TENM4: variants seen among roughly 807,000 people sequenced by gnomAD.
TENM4 encodes the protein teneurin transmembrane protein 4.
A neutral mutation model predicts 243.3 loss-of-function variants in TENM4; 82 were observed. The observed-to-expected ratio is 0.34, with a 90% CI of 0.28 to 0.40. TENM4 has a LOEUF of 0.40. Among genes scored for constraint, TENM4 ranks in the 10% least tolerant of loss-of-function variants. The pLI, the probability that TENM4 is intolerant of heterozygous loss-of-function variation, is 1.00. For missense variants in TENM4, 3,138 were observed against 3,673.3 expected (o/e 0.85, Z 3.77); for synonymous variants, 1,412 against 1,456.3 (o/e 0.97, Z 0.69).
At chr11:79,202,968 A>G (rs1863775132) in intron 3 of TENM4, among the ~76,000 whole-genome samples, 1 of 152,232 alleles carries the variant, frequency 6.6e-6, no homozygotes, top group East Asian at 1.9e-4. Context: ...ATTGTCCTAC[A>G]AAGTGGGTAT....
intron 9 of TENM4, among the ~76,000 whole-genome samples, chr11:78,867,175 T>C (rs1480384730): frequency 1.3e-5 from 2 of 152,212 alleles, no homozygotes; most frequent in Non-Finnish European, 2.9e-5. Context: ...CACCCTGTTG[T>C]GCTATCAAAT....
chr11:78,719,337 C>T lies in TENM4; in HGVS notation c.3821+1033G>A, dbSNP rs191474850. ...TATAGTCCATGTAAAGGACATAACCCTCTATCTGCTACATAGTAAATGTTC... is the reference window on the plus strand; with the variant it reads ...TATAGTCCATGTAAAGGACATAACCTTCTATCTGCTACATAGTAAATGTTC... On this transcript the variant is annotated intron_variant, in intron 25 of 33. Coordinates refer to ENST00000278550, the MANE Select transcript of TENM4 (RefSeq NM_001098816.3). Among the ~76,000 whole-genome samples the T allele has an allele frequency of 3.9e-5, 6 of 152,184 alleles. No homozygotes were observed. In the East Asian group the frequency reaches 7.7e-4, roughly 20 times the overall value.
At chr11:79,081,534 G>GGTGTGTGTGTGT (rs56237099) in intron 4 of TENM4, among the ~76,000 whole-genome samples, 19,444 of 148,098 alleles carry the variant, frequency 0.13, 1,539 homozygotes, top group East Asian at 0.39. Context: ...TGTCAGAGGT[G>GGTGTGTGTGTGT]GTGTGTGTGT....
chr11:78,671,064 A>G (rs1858312192), intron 31 of TENM4, among the ~76,000 whole-genome samples: 1 of 152,162 alleles, frequency 6.6e-6, no homozygotes. Context: ...TACCTGCTAA[A>G]CAGTTTCCGC....
rs1491015742 is a variant in TENM4 at position 78,805,274 on chromosome 11, T to TCCCCACCC, written c.2179+17_2179+18insGGGTGGGG. On this transcript the variant is annotated intron_variant, in intron 15 of 33. Coordinates refer to ENST00000278550, the MANE Select transcript of TENM4 (RefSeq NM_001098816.3). ...AATCCCCTCCCTCTACCCATGCTTC[T>TCCCCACCC]TCTCCCCCTGCATTTACCGATAGAA... 1.3e-6 allele frequency: 2 copies of TCCCCACCC among 1,506,676 alleles called. No homozygotes were observed. The highest frequency in any genetic ancestry group is 1.9e-5 in the Admixed American group (1 of 52,110). 93.3% of individuals were successfully genotyped at this position (1,506,676 alleles called of 1,614,324 possible). A position where few individuals can be genotyped will look rare whatever the true frequency, so the allele number is the denominator to read the frequency against.
chr11:79,252,811 G>A (rs960693353), intron 2 of TENM4, among the ~76,000 whole-genome samples: 2 of 152,010 alleles, frequency 1.3e-5, no homozygotes, highest in Non-Finnish European at 2.9e-5. Flanking sequence ...GAGCAGACCC[G>A]GATCCACCTG....
intron 3 of TENM4, among the ~76,000 whole-genome samples, chr11:79,187,333 C>A (rs943500640): frequency 5.3e-5 from 8 of 152,196 alleles, no homozygotes; most frequent in Admixed American, 2.0e-4. Context: ...GAAGACGAGG[C>A]AACCACTGGG....
At chr11:78,726,405 CT>C (rs1424114283) in intron 22 of TENM4, among the ~76,000 whole-genome samples, 183 bp from the exon 23 acceptor site, 1 of 151,932 alleles carries the variant, frequency 6.6e-6, no homozygotes, top group Non-Finnish European at 1.5e-5. Context: ...ATCATTTTTT[CT>C]TTTTTTTGGA....
At chr11:79,244,574 C>T (rs947237638) in intron 2 of TENM4, among the ~76,000 whole-genome samples, 10 of 152,148 alleles carry the variant, frequency 6.6e-5, no homozygotes, top group African/African-American at 2.2e-4. Context: ...ATAAAAAAGC[C>T]GCTTGCAGTA....
intron 4 of TENM4, among the ~76,000 whole-genome samples, chr11:79,084,354 C>G (rs554631830): frequency 3.2e-4 from 48 of 152,272 alleles, no homozygotes; most frequent in African/African-American, 1.2e-3. Context: ...CAACCTAGCG[C>G]TTGTATTCTT....
At chr11:79,339,335 G>A (rs1017209770) in intron 1 of TENM4, among the ~76,000 whole-genome samples, 6 of 152,210 alleles carry the variant, frequency 3.9e-5, no homozygotes, top group Non-Finnish European at 8.8e-5. Context: ...AAGTGTTGTC[G>A]TGGAGATCAA....
intron 6 of TENM4, among the ~76,000 whole-genome samples, chr11:78,988,990 T>C (rs1233156332): frequency 6.6e-6 from 1 of 152,228 alleles, no homozygotes; most frequent in Non-Finnish European, 1.5e-5. Flanking sequence ...ATTCCCTTTA[T>C]ATTTTTATTT....
chr11:79,064,674 T>C (rs1255286396), intron 6 of TENM4, 64 bp downstream of exon 6: 4 of 1,537,806 alleles, frequency 2.6e-6, no homozygotes, highest in African/African-American at 1.4e-5. Context: ...AGGAAATCAA[T>C]ATTATAAATA....
chr11:79,269,874 T>A (rs1447539442), intron 2 of TENM4, among the ~76,000 whole-genome samples: 1 of 152,158 alleles, frequency 6.6e-6, no homozygotes, highest in Non-Finnish European at 1.5e-5. Flanking sequence ...GATTTTAGAG[T>A]GTCTTTTATA....
At chr11:78,862,419 C>T (rs547084807) in intron 10 of TENM4, among the ~76,000 whole-genome samples, 3 of 152,236 alleles carry the variant, frequency 2.0e-5, no homozygotes, top group East Asian at 3.9e-4. Flanking sequence ...ACATGCTGTA[C>T]GAACACTAAT....
chr11:79,083,320 G>T (rs1202917077), intron 4 of TENM4, among the ~76,000 whole-genome samples: 1 of 152,186 alleles, frequency 6.6e-6, no homozygotes, highest in African/African-American at 2.4e-5. Context: ...TGGCAGACTG[G>T]GTGGCTTCAG....
At chr11:79,319,514 G>C (rs1448682322) in intron 1 of TENM4, among the ~76,000 whole-genome samples, 1 of 152,008 alleles carries the variant, frequency 6.6e-6, no homozygotes, top group African/African-American at 2.4e-5. Context: ...CACCATCTTT[G>C]TAAGAAAAAA....
At chr11:78,959,709 C>A (rs547551718) in intron 6 of TENM4, among the ~76,000 whole-genome samples, 38 of 152,170 alleles carry the variant, frequency 2.5e-4, no homozygotes, top group Non-Finnish European at 5.9e-5. Flanking sequence ...GGTGCAGGAG[C>A]ATGGAGGAGC....
At chr11:78,841,212 G>A (rs1205881845) in intron 12 of TENM4, among the ~76,000 whole-genome samples, 1 of 152,148 alleles carries the variant, frequency 6.6e-6, no homozygotes, top group African/African-American at 2.4e-5. Context: ...AGGCACTGAT[G>A]GGTTATCTTT....
Sources: gnomAD v4.1 joint callset for allele counts (sites outside exome capture counted in the v4.1 genomes callset) on GRCh38, gnomAD v4.1.1 for gene constraint, MANE v1.5 for transcripts, NCBI Gene and HGNC (gene_info 2026-07-23, HGNC 2026-07-21) for gene names.